The following UNC5D variants were observed in gnomAD, a reference collection of about 807,000 sequenced individuals.
UNC5D encodes netrin receptor UNC5D.
Under a neutral mutation model 105.4 loss-of-function variants are expected in UNC5D, and 39 were observed. The observed-to-expected ratio is 0.37, with a 90% CI of 0.29 to 0.48. The LOEUF (loss-of-function observed/expected upper bound fraction) is 0.48, where lower values mean the gene tolerates loss of function less well. UNC5D is among the 20% of genes least tolerant of loss of function. UNC5D has a pLI of 0.98. For missense variants in UNC5D, 991 were observed against 1,202.4 expected, an observed-to-expected ratio of 0.82 and a Z score of 2.60; for synonymous variants, 452 against 450.4, an observed-to-expected ratio of 1.00 and a Z score of -0.04.
At chr8:35,672,656 C>T (rs534766847) in intron 4 of UNC5D, among the ~76,000 whole-genome samples, 76 of 152,294 alleles carry the variant, frequency 5.0e-4, no homozygotes, top group African/African-American at 1.7e-3. Context: ...TTGATTACAT[C>T]TCTCTCCCCA....
At chr8:35,761,078 T>C (rs187594387) in intron 14 of UNC5D, among the ~76,000 whole-genome samples, 211 of 152,274 alleles carry the variant, frequency 1.4e-3, no homozygotes, top group African/African-American at 4.1e-3. Flanking sequence ...CCACATTTTT[T>C]CCATAGAGAG....
At chr8:35,772,173 T>C (rs1802039399) in intron 15 of UNC5D, among the ~76,000 whole-genome samples, 1 of 152,168 alleles carries the variant, frequency 6.6e-6, no homozygotes, top group Non-Finnish European at 1.5e-5. Context: ...AAGAAGAGCG[T>C]ATGATATGCA....
chr8:35,562,047 CTGG>C (rs879723904), intron 2 of UNC5D, among the ~76,000 whole-genome samples: 2 of 152,136 alleles, frequency 1.3e-5, no homozygotes, highest in Non-Finnish European at 2.9e-5. Flanking sequence ...TTCTTGGCCT[CTGG>C]TAACCACCAG....
intron 4 of UNC5D, among the ~76,000 whole-genome samples, chr8:35,630,320 T>G (rs1279113521): frequency 6.6e-6 from 1 of 152,240 alleles, no homozygotes; most frequent in Non-Finnish European, 1.5e-5. Flanking sequence ...TTTTTATGAT[T>G]AGTGTATTAT....
chr8:35,744,500 C>A (rs757669968), intron 11 of UNC5D, among the ~76,000 whole-genome samples: 10 of 152,114 alleles, frequency 6.6e-5, no homozygotes, highest in Non-Finnish European at 1.5e-4. Context: ...TTGGTTTTCT[C>A]TTGTGTGGAG....
At chr8:35,631,326 A>AAT (rs1395664488) in intron 4 of UNC5D, among the ~76,000 whole-genome samples, 1 of 151,468 alleles carries the variant, frequency 6.6e-6, no homozygotes, top group Non-Finnish European at 1.5e-5. Context: ...AAAAAAAAAA[A>AAT]ATCATTTGGC....
chr8:35,518,129 C>T (rs190973068), intron 1 of UNC5D, among the ~76,000 whole-genome samples: 96 of 152,074 alleles, frequency 6.3e-4, no homozygotes, highest in African/African-American at 2.3e-3. Flanking sequence ...AAAAAAAAAG[C>T]ACTTGTGTAT....
Position 35,315,057 on chromosome 8 carries a change from C to A in UNC5D, c.103+79170C>A, listed in dbSNP as rs575184094. 6.6e-5 allele frequency among the ~76,000 whole-genome samples: 10 copies of A among 152,220 alleles called. No homozygotes were observed. In the East Asian group the frequency reaches 1.9e-3, roughly 29 times the overall value. ...TGGAGATGTCAGCACATACTAGGTT[C>A]TAGGATTATAAGTACCAGTGGTCTC... On this transcript the variant is annotated intron_variant, in intron 1 of 16. Transcript: ENST00000404895.
intron 1 of UNC5D, among the ~76,000 whole-genome samples, chr8:35,388,431 G>T (rs763015428): frequency 2.6e-5 from 4 of 152,086 alleles, no homozygotes; most frequent in Non-Finnish European, 5.9e-5. Context: ...AAGTTGCCTA[G>T]CACTGAATCT....
chr8:35,487,835 G>A (rs570605419), intron 1 of UNC5D, among the ~76,000 whole-genome samples: 41 of 152,304 alleles, frequency 2.7e-4, no homozygotes, highest in Admixed American at 1.3e-3. Flanking sequence ...TGGAAATGAG[G>A]AACATCATAG....
intron 16 of UNC5D, among the ~76,000 whole-genome samples, chr8:35,777,421 C>T (rs1255969646): frequency 2.6e-5 from 4 of 152,186 alleles, no homozygotes; most frequent in African/African-American, 9.6e-5. Context: ...AACAATAATA[C>T]TAAATAAATG....
intron 1 of UNC5D, among the ~76,000 whole-genome samples, chr8:35,516,563 C>T (rs1364416180): frequency 2.6e-5 from 4 of 152,184 alleles, no homozygotes; most frequent in Non-Finnish European, 4.4e-5. Flanking sequence ...GCCAAACAGC[C>T]TTTGTACTGG....
At chr8:35,661,700 G>A (rs1480827886) in intron 4 of UNC5D, among the ~76,000 whole-genome samples, 1 of 152,176 alleles carries the variant, frequency 6.6e-6, no homozygotes, top group African/African-American at 2.4e-5. Flanking sequence ...CTGTCAGCTT[G>A]GAGAAAAGCT....
At chr8:35,634,631 G>A (rs532085518) in intron 4 of UNC5D, among the ~76,000 whole-genome samples, 1 of 152,112 alleles carries the variant, frequency 6.6e-6, no homozygotes, top group Non-Finnish European at 1.5e-5. Context: ...TACAAATACT[G>A]ATGCAGGGGG....
intron 1 of UNC5D, among the ~76,000 whole-genome samples, chr8:35,399,721 T>C (rs917375901): frequency 3.6e-4 from 55 of 152,156 alleles, no homozygotes; most frequent in Admixed American, 3.3e-3. Context: ...AGTATAACAA[T>C]TTAAATTTTA....
In UNC5D at chr8:35,790,563, G is replaced by T. The variant is rs142470006; in HGVS notation, c.2862G>T (p.Ter954TyrextTer9). 1 of 1,613,610 alleles carries T rather than the reference G, an allele frequency of 6.2e-7. No individual in the cohort carries two copies. Residue 954 changes from the stop codon to tyrosine, a stop_lost, in exon 17 of 17, where the codon TAG becomes TAT. Coordinates refer to ENST00000404895, the MANE Select transcript of UNC5D (RefSeq NM_080872.4). ...ACTACAGCAGGCAAAATGGACTCTA[G>T]TCCACTTCCTCCCATGAGACAGAGT... ...DFNYSRQNGL* is the reference protein window; with the variant it reads ...DFNYSRQNGLY
intron 4 of UNC5D, among the ~76,000 whole-genome samples, chr8:35,617,077 A>G (rs1391893130): frequency 6.6e-6 from 1 of 152,156 alleles, no homozygotes; most frequent in East Asian, 1.9e-4. Context: ...CATGAAGCGC[A>G]CCACACACCA....
chr8:35,493,984 A>G (rs966345525), intron 1 of UNC5D, among the ~76,000 whole-genome samples: 9 of 152,158 alleles, frequency 5.9e-5, no homozygotes, highest in African/African-American at 2.2e-4. Flanking sequence ...ATTTGGATAC[A>G]CCGGGAGAGG....
chr8:35,393,234 T>C (rs34399825), intron 1 of UNC5D, among the ~76,000 whole-genome samples: 74,214 of 142,940 alleles, frequency 0.52, 18,977 homozygotes, highest in East Asian at 0.7. Context: ...CTGGGGTTCA[T>C]GCCATTCTCC....
Sources: gnomAD v4.1 joint callset for allele counts (sites outside exome capture counted in the v4.1 genomes callset) on GRCh38, gnomAD v4.1.1 for gene constraint, MANE v1.5 for transcripts, NCBI Gene and HGNC (gene_info 2026-07-23, HGNC 2026-07-21) for gene names.